The following CACNA2D1 variants were observed in gnomAD, a reference collection of about 807,000 sequenced individuals.
CACNA2D1 encodes calcium voltage-gated channel auxiliary subunit alpha2delta 1.
CACNA2D1 carries 53 observed loss-of-function variants against 171.5 expected under a neutral mutation model. The observed-to-expected ratio is 0.31, with a 90% CI of 0.25 to 0.39. The LOEUF is 0.39. Among genes scored for constraint, CACNA2D1 ranks in the 10% least tolerant of loss-of-function variants. The probability of loss-of-function intolerance (pLI) is 1.00; values close to 1 mark genes in which losing one functional copy is unlikely to be tolerated. For missense variants in CACNA2D1, 903 were observed against 1,299.8 expected (o/e 0.69, Z 4.69); for synonymous variants, 442 against 443.1 (o/e 1.00, Z 0.03).
intron 3 of CACNA2D1, among the ~76,000 whole-genome samples, chr7:82,313,842 G>T (rs1004175738): frequency 1.4e-4 from 21 of 152,082 alleles, no homozygotes; most frequent in African/African-American, 4.3e-4. Context: ...ATAGGATTTC[G>T]AGTATTTCTC....
At position 81,982,716 on chromosome 7, in the gene CACNA2D1, C is replaced by T. The variant is rs368796351; in HGVS notation, c.1895-89G>A. 1.3e-5 allele frequency: 11 copies of T among 851,192 alleles called. No homozygotes were observed. In the African/African-American group the frequency reaches 1.7e-4, roughly 13 times the overall value. 52.7% of individuals were successfully genotyped at this position (851,192 alleles called of 1,614,324 possible). A position where few individuals can be genotyped will look rare whatever the true frequency, so the allele number is the denominator to read the frequency against. ...CAATAAGAAGGCATGAGAAAGATTA[C>T]CTAATAAGAAAAATTGAAAATAGAG... On this transcript the variant is annotated intron_variant, in intron 23 of 38. Transcript: ENST00000356860.
At chr7:82,404,529 G>C (rs1211009483) in intron 1 of CACNA2D1, among the ~76,000 whole-genome samples, 1 of 152,200 alleles carries the variant, frequency 6.6e-6, no homozygotes, top group Non-Finnish European at 1.5e-5. Context: ...TTAAGAAGGG[G>C]TCAAGGTTGA....
chr7:82,124,730 T>C (rs1421478356), intron 5 of CACNA2D1, among the ~76,000 whole-genome samples: 1 of 152,222 alleles, frequency 6.6e-6, no homozygotes, highest in African/African-American at 2.4e-5. Context: ...TTTTCTTTCA[T>C]TGCTTTCTGC....
chr7:82,354,034 G>A (rs1186048848), intron 1 of CACNA2D1, among the ~76,000 whole-genome samples: 2 of 151,982 alleles, frequency 1.3e-5, no homozygotes, highest in African/African-American at 4.8e-5. Flanking sequence ...TCCCTTCTTC[G>A]CTGAAGACTC....
intron 3 of CACNA2D1, 41 bp from the exon 4 acceptor site, chr7:82,170,650 G>T (rs17155967): frequency 1.3e-6 from 2 of 1,556,662 alleles, no homozygotes; most frequent in South Asian, 2.2e-5. Context: ...AAATGAACAC[G>T]TAATATGGAA....
intron 1 of CACNA2D1, among the ~76,000 whole-genome samples, chr7:82,396,248 C>T (rs552732057): frequency 1.3e-4 from 20 of 152,228 alleles, no homozygotes; most frequent in African/African-American, 4.8e-4. Context: ...CTTTGGGAGG[C>T]TGAGGCAGGA....
rs1813432629 is a variant in CACNA2D1, at chr7:82,304,345, T to G, written c.294+30790A>C. 2.1e-5 allele frequency among the ~76,000 whole-genome samples: 3 copies of G among 145,330 alleles called. No homozygotes were observed. The South Asian group carries it at 6.5e-4, about 31-fold the overall frequency. ...ATCCAATAATCCCATTAGTGGATAT[T>G]AATCCAAAAAAAAAAAAAAAGAAAA... On this transcript the variant is annotated intron_variant, in intron 3 of 38. Coordinates refer to ENST00000356860, the MANE Select transcript of CACNA2D1 (RefSeq NM_000722.4).
chr7:82,193,152 C>T (rs555337687), intron 3 of CACNA2D1, among the ~76,000 whole-genome samples: 1 of 150,748 alleles, frequency 6.6e-6, no homozygotes, highest in Non-Finnish European at 1.5e-5. Flanking sequence ...TTGCACTTTA[C>T]CCGGGCTTCA....
At chr7:82,060,631 T>TAA (rs942128946) in intron 9 of CACNA2D1, 104 bp from the exon 10 acceptor site, 8 of 605,614 alleles carry the variant, frequency 1.3e-5, no homozygotes, top group African/African-American at 1.3e-4. Context: ...CTTTTATATA[T>TAA]TATTTAAATA....
chr7:82,435,812 A>C (rs1292324444), intron 1 of CACNA2D1, among the ~76,000 whole-genome samples: 2 of 152,188 alleles, frequency 1.3e-5, no homozygotes, highest in African/African-American at 4.8e-5. Context: ...TTGGTACACC[A>C]AACAGGGCTA....
At chr7:82,155,655 C>T (rs1794306456) in intron 4 of CACNA2D1, among the ~76,000 whole-genome samples, 1 of 152,142 alleles carries the variant, frequency 6.6e-6, no homozygotes, top group Non-Finnish European at 1.5e-5. Flanking sequence ...ATTGGTTCAT[C>T]AAAGCTAGAT....
intron 4 of CACNA2D1, among the ~76,000 whole-genome samples, chr7:82,162,632 T>A (rs1300675301): frequency 6.8e-6 from 1 of 147,738 alleles, no homozygotes; most frequent in Non-Finnish European, 1.5e-5. Context: ...TTCTTCTTTT[T>A]TAAGAGACTT....
intron 5 of CACNA2D1, among the ~76,000 whole-genome samples, chr7:82,133,253 C>G (rs1791213294): frequency 6.6e-6 from 1 of 152,048 alleles, no homozygotes; most frequent in African/African-American, 2.4e-5. Flanking sequence ...ATTATGAAAT[C>G]CATATTAATA....
intron 36 of CACNA2D1, among the ~76,000 whole-genome samples, chr7:81,961,683 G>C (rs180977500): frequency 1.3e-5 from 2 of 151,856 alleles, no homozygotes; most frequent in East Asian, 3.9e-4. Flanking sequence ...ATCAAAGTTA[G>C]AATTTTAAAA....
At chr7:82,314,114 T>C (rs759414729) in intron 3 of CACNA2D1, among the ~76,000 whole-genome samples, 6 of 152,186 alleles carry the variant, frequency 3.9e-5, no homozygotes, top group Non-Finnish European at 8.8e-5. Flanking sequence ...ATCGCAATAA[T>C]GTTTGGGTTT....
At chr7:82,161,605 A>T (rs1041659461) in intron 4 of CACNA2D1, among the ~76,000 whole-genome samples, 2 of 152,002 alleles carry the variant, frequency 1.3e-5, no homozygotes, top group African/African-American at 4.8e-5. Flanking sequence ...CCTGAATTTG[A>T]GCTATATTAA....
intron 4 of CACNA2D1, among the ~76,000 whole-genome samples, chr7:82,138,608 C>T (rs1443981895): frequency 6.6e-6 from 1 of 151,526 alleles, no homozygotes; most frequent in South Asian, 2.1e-4. Context: ...CACCATGCCC[C>T]GCTAATTTTT....
intron 18 of CACNA2D1, among the ~76,000 whole-genome samples, chr7:82,003,106 T>A (rs1171499704): frequency 6.6e-6 from 1 of 152,164 alleles, no homozygotes; most frequent in African/African-American, 2.4e-5. Flanking sequence ...TGTATCAATC[T>A]GTATAGCGTG....
At chr7:82,411,870 C>T (rs1398956140) in intron 1 of CACNA2D1, among the ~76,000 whole-genome samples, 2 of 149,720 alleles carry the variant, frequency 1.3e-5, no homozygotes, top group Admixed American at 6.9e-5. Context: ...AAACTCCTTA[C>T]CTCAAGCCAA....
Sources: allele counts gnomAD v4.1 joint callset (sites outside exome capture counted in the v4.1 genomes callset), GRCh38; gene constraint gnomAD v4.1.1; transcripts MANE v1.5; gene names NCBI Gene and HGNC (gene_info 2026-07-23, HGNC 2026-07-21).